EXT1: variants seen among roughly 807,000 people sequenced by gnomAD.
EXT1 encodes exostosin glycosyltransferase 1.
A neutral mutation model predicts 82.5 loss-of-function variants in EXT1; 20 were observed. That is an observed-to-expected ratio of 0.24 (90% CI 0.17 to 0.35). The LOEUF is 0.35. EXT1 is among the 10% of genes least tolerant of loss of function. The probability of loss-of-function intolerance (pLI) is 1.00; values close to 1 mark genes in which losing one functional copy is unlikely to be tolerated. For missense variants in EXT1, 757 were observed against 936.5 expected, an observed-to-expected ratio of 0.81 and a Z score of 2.50; for synonymous variants, 348 against 350.8, an observed-to-expected ratio of 0.99 and a Z score of 0.09.
intron 1 of EXT1, among the ~76,000 whole-genome samples, chr8:117,975,313 T>A (rs1310634701): frequency 1.3e-5 from 2 of 152,130 alleles, no homozygotes; most frequent in East Asian, 3.8e-4. Context: ...GCTCTAAAAG[T>A]CATTCCAAAA....
chr8:117,820,777 A>G (rs766845187), intron 5 of EXT1, among the ~76,000 whole-genome samples: 9 of 152,170 alleles, frequency 5.9e-5, no homozygotes, highest in Non-Finnish European at 7.3e-5. Context: ...ATATGTCAGC[A>G]GCTACCATTA....
intron 1 of EXT1, among the ~76,000 whole-genome samples, chr8:117,991,130 G>A (rs1384735539): frequency 6.0e-5 from 9 of 149,690 alleles, no homozygotes; most frequent in Admixed American, 2.0e-4. Context: ...TTTTTTAGAT[G>A]GACCCTCGCT....
At chr8:118,044,778 G>A (rs1352526208) in intron 1 of EXT1, among the ~76,000 whole-genome samples, 1 of 152,080 alleles carries the variant, frequency 6.6e-6, no homozygotes, top group African/African-American at 2.4e-5. Context: ...GGCTCAAGCC[G>A]TTCTCCAGTC....
chr8:117,894,715 T>G (rs1224499779), intron 1 of EXT1, among the ~76,000 whole-genome samples: 2 of 152,096 alleles, frequency 1.3e-5, no homozygotes. Context: ...GAATGGACAG[T>G]GTAAGTGCCT....
At chr8:118,074,605 G>T (rs1373153903) in intron 1 of EXT1, among the ~76,000 whole-genome samples, 2 of 151,908 alleles carry the variant, frequency 1.3e-5, no homozygotes, top group African/African-American at 4.8e-5. Context: ...CCAGACGGGT[G>T]AGAACATTGA....
chr8:118,090,778 C>CAAAAAAAAAAAAAAAAAAAAAAA (rs11318164), intron 1 of EXT1, among the ~76,000 whole-genome samples: 2 of 27,198 alleles, frequency 7.4e-5, no homozygotes, highest in Non-Finnish European at 6.8e-5. Flanking sequence ...GATTCTGTCT[C>CAAAAAAAAAAAAAAAAAAAAAAA]AAAAAAAAAA....
intron 1 of EXT1, among the ~76,000 whole-genome samples, chr8:117,968,316 C>T (rs1442323117): frequency 1.3e-5 from 2 of 151,832 alleles, no homozygotes; most frequent in African/African-American, 2.4e-5. Flanking sequence ...TTAAAGGTCT[C>T]GTTGTGTTGC....
intron 1 of EXT1, among the ~76,000 whole-genome samples, chr8:117,978,117 GTCCCT>G: frequency 6.6e-6 from 1 of 152,190 alleles, no homozygotes; most frequent in East Asian, 1.9e-4. Context: ...ATGTACAGGT[GTCCCT>G]TTGCTGATGA....
At chr8:118,084,076 A>G (rs533335188) in intron 1 of EXT1, among the ~76,000 whole-genome samples, 24 of 152,278 alleles carry the variant, frequency 1.6e-4, no homozygotes, top group African/African-American at 5.1e-4. Context: ...GATCCTGAGG[A>G]ACTTATCTAT....
rs142105012 is a variant in EXT1 at position 118,026,178 on chromosome 8, C to T, written c.962+83907G>A. The stretch of plus-strand genomic sequence containing the variant: ...AGACCTACAATCTTCTTAGGAACCA[C>T]ACGGCACCTACTGAGCCAGTCATCT... On this transcript the variant is annotated intron_variant, in intron 1 of 10. Coordinates refer to ENST00000378204, the MANE Select transcript of EXT1 (RefSeq NM_000127.3). Among the ~76,000 whole-genome samples, 3 of 152,276 alleles carry T rather than the reference C, an allele frequency of 2.0e-5. No individual in the cohort carries two copies. In the East Asian group the frequency reaches 5.8e-4, roughly 29 times the overall value.
intron 3 of EXT1, among the ~76,000 whole-genome samples, chr8:117,833,123 C>A (rs1307963909): frequency 6.6e-6 from 1 of 152,094 alleles, no homozygotes; most frequent in Non-Finnish European, 1.5e-5. Context: ...TGGGTGCCAA[C>A]TCTTTAAAAC....
Position 118,111,404 on chromosome 8 carries a change from A to AT in EXT1, c.-359_-358insA. 1.8e-6 allele frequency: 1 copy of AT among 548,530 alleles called. No homozygotes were observed. The highest frequency in any genetic ancestry group is 2.6e-5 in the South Asian group (1 of 37,832). The allele number at this position is 548,530 out of a possible 1,614,324, so 34.0% of individuals were successfully genotyped here. ...AAAAAAAAGCTCCCGATACCCAATCAATGGCAAGACGAAGTGATTGCCTTG... is the reference window on the plus strand; with the variant it reads ...AAAAAAAAGCTCCCGATACCCAATCATATGGCAAGACGAAGTGATTGCCTTG... On this transcript the variant is annotated 5_prime_UTR_variant, in exon 1 of 11. In the 5' UTR this introduces an upstream ATG that the reference lacks. Coordinates refer to ENST00000378204, the MANE Select transcript of EXT1 (RefSeq NM_000127.3).
At chr8:118,089,628 T>C (rs1563652493) in intron 1 of EXT1, among the ~76,000 whole-genome samples, 1 of 152,226 alleles carries the variant, frequency 6.6e-6, no homozygotes, top group Non-Finnish European at 1.5e-5. Flanking sequence ...GTATTACTTT[T>C]GCAATCTAGA....
At chr8:117,997,948 C>T (rs1173630983) in intron 1 of EXT1, among the ~76,000 whole-genome samples, 1 of 151,660 alleles carries the variant, frequency 6.6e-6, no homozygotes, top group Non-Finnish European at 1.5e-5. Context: ...TGCAAAGGAT[C>T]TATCTTCTTT....
rs1305060799 is a variant in EXT1, at chr8:118,031,649, G to A, written c.962+78436C>T. Among the ~76,000 whole-genome samples, 3 of 151,814 alleles carry A rather than the reference G, an allele frequency of 2.0e-5. No individual in the cohort carries two copies. In the East Asian group the frequency reaches 5.8e-4, roughly 29 times the overall value. On this transcript the variant is annotated intron_variant, in intron 1 of 10. Transcript: ENST00000378204. The stretch of plus-strand genomic sequence containing the variant: ...TGTGAGCAGCCAGGCTTTGACTTTT[G>A]AACTATAGTGTCTCCTTCCCCTTGA...
At chr8:117,847,671 C>T (rs916292927) in intron 1 of EXT1, among the ~76,000 whole-genome samples, 33 of 152,300 alleles carry the variant, frequency 2.2e-4, no homozygotes, top group Middle Eastern at 3.4e-3. Flanking sequence ...GCACAGAAAA[C>T]TGAGCTCGAA....
chr8:117,945,604 C>T (rs1273740891), intron 1 of EXT1, among the ~76,000 whole-genome samples: 3 of 151,768 alleles, frequency 2.0e-5, no homozygotes, highest in African/African-American at 7.3e-5. Context: ...CAGGTTCAAG[C>T]AATTCTCCAT....
At chr8:118,076,792 T>C (rs763264700) in intron 1 of EXT1, among the ~76,000 whole-genome samples, 2 of 152,238 alleles carry the variant, frequency 1.3e-5, no homozygotes, top group African/African-American at 2.4e-5. Flanking sequence ...AGTTATAGAA[T>C]TGACTGCAAC....
chr8:117,927,073 C>T (rs992843493), intron 1 of EXT1, among the ~76,000 whole-genome samples: 4 of 152,130 alleles, frequency 2.6e-5, no homozygotes, highest in Non-Finnish European at 4.4e-5. Flanking sequence ...TAATAACTGT[C>T]CCCTACATAA....
Sources: gnomAD v4.1 joint callset for allele counts (sites outside exome capture counted in the v4.1 genomes callset) on GRCh38, gnomAD v4.1.1 for gene constraint, MANE v1.5 for transcripts, NCBI Gene and HGNC (gene_info 2026-07-23, HGNC 2026-07-21) for gene names.